Variants in DPYD observed in about 807,000 individuals in gnomAD.
The protein encoded by DPYD is dihydropyrimidine dehydrogenase.
Under a neutral mutation model 116.2 loss-of-function variants are expected in DPYD, and 109 were observed. That is an observed-to-expected ratio of 0.94 (90% CI 0.80 to 1.10). DPYD has a LOEUF of 1.10. DPYD is among the 50% of genes least tolerant of loss of function. DPYD has a pLI of 0.00. For synonymous variants in DPYD, 440 were observed against 432.0 expected (o/e 1.02, Z -0.23); for missense variants, 1,302 against 1,254.5 (o/e 1.04, Z -0.57).
At chr1:97,133,913 C>T (rs768223012) in intron 20 of DPYD, among the ~76,000 whole-genome samples, 9 of 148,880 alleles carry the variant, frequency 6.0e-5, no homozygotes, top group South Asian at 2.1e-4. Flanking sequence ...GTGGGGGAAT[C>T]GCTGAAACCC....
intron 20 of DPYD, among the ~76,000 whole-genome samples, chr1:97,134,990 T>TA (rs1491460103): frequency 6.6e-6 from 1 of 150,990 alleles, no homozygotes; most frequent in Non-Finnish European, 1.5e-5. Context: ...TATATATATA[T>TA]TTTTTTTATT....
chr1:97,687,163 TG>T (rs1660781009), intron 7 of DPYD, among the ~76,000 whole-genome samples: 1 of 152,000 alleles, frequency 6.6e-6, no homozygotes, highest in Non-Finnish European at 1.5e-5. Flanking sequence ...CCCAGCTACT[TG>T]GGACACTCGG....
chr1:97,749,958 C>T (rs561924931), intron 3 of DPYD, among the ~76,000 whole-genome samples: 2 of 151,874 alleles, frequency 1.3e-5, no homozygotes, highest in African/African-American at 4.8e-5. Context: ...TGATTTATAT[C>T]AAATAATTAT....
intron 20 of DPYD, among the ~76,000 whole-genome samples, chr1:97,188,957 GTTAT>G (rs10606435): frequency 0.17 from 25,736 of 152,040 alleles, 2,622 homozygotes; most frequent in Middle Eastern, 0.26. Context: ...AAGTTCAAAG[GTTAT>G]TTCTTTACAT....
intron 16 of DPYD, among the ~76,000 whole-genome samples, chr1:97,324,388 C>T (rs919429528): frequency 2.0e-5 from 3 of 151,980 alleles, no homozygotes; most frequent in African/African-American, 7.2e-5. Flanking sequence ...ATTTAGTCTC[C>T]AAGTGGTTGC....
intron 13 of DPYD, among the ~76,000 whole-genome samples, chr1:97,474,698 T>C (rs894016263): frequency 1.4e-4 from 21 of 152,020 alleles, no homozygotes; most frequent in African/African-American, 4.3e-4. Context: ...AAACTTGTGG[T>C]GGCATATAAT....
chr1:97,537,404 T>C (rs947034403), intron 12 of DPYD, among the ~76,000 whole-genome samples: 1 of 152,226 alleles, frequency 6.6e-6, no homozygotes, highest in East Asian at 1.9e-4. Context: ...TTTTCAGGTA[T>C]AAACAAGCCT....
intron 8 of DPYD, among the ~76,000 whole-genome samples, chr1:97,646,010 C>A (rs1658238413): frequency 6.6e-6 from 1 of 152,088 alleles, no homozygotes; most frequent in Non-Finnish European, 1.5e-5. Flanking sequence ...CTAATATTTT[C>A]TCTTCAGTAT....
intron 3 of DPYD, among the ~76,000 whole-genome samples, chr1:97,751,460 G>GTGTGTGTGTGTGTA (rs763260651): frequency 1.9e-4 from 4 of 21,286 alleles, no homozygotes; most frequent in Non-Finnish European, 3.3e-4. Flanking sequence ...GTGTGTGTGT[G>GTGTGTGTGTGTGTA]TATATATATA....
intron 14 of DPYD, among the ~76,000 whole-genome samples, chr1:97,392,415 T>C (rs902623514): frequency 1.3e-5 from 2 of 151,560 alleles, no homozygotes; most frequent in African/African-American, 4.8e-5. Flanking sequence ...AGGGCAGTGG[T>C]GGGATTATAG....
chr1:97,732,162 C>A (rs906271466), intron 4 of DPYD, among the ~76,000 whole-genome samples: 1 of 152,078 alleles, frequency 6.6e-6, no homozygotes, highest in Non-Finnish European at 1.5e-5. Context: ...TGAATAAAAT[C>A]AGTGACTATT....
In DPYD at chr1:97,176,507, C is replaced by T. The variant is rs189169237; in HGVS notation, c.2622+16562G>A. ...GAGACCAAGGTCAGAAAAGAGCTGTCGGGAGTGACACGGTTTTTTGCCCAC... is the reference window on the plus strand; with the variant it reads ...GAGACCAAGGTCAGAAAAGAGCTGTTGGGAGTGACACGGTTTTTTGCCCAC... On this transcript the variant is annotated intron_variant, in intron 20 of 22. Transcript: ENST00000370192. Among the ~76,000 whole-genome samples, 6 of 152,256 alleles carry T rather than the reference C, an allele frequency of 3.9e-5. No individual in the cohort carries two copies. The South Asian group carries it at 8.3e-4, about 21-fold the overall frequency.
intron 3 of DPYD, among the ~76,000 whole-genome samples, chr1:97,781,500 C>G (rs976260861): frequency 3.9e-5 from 6 of 152,168 alleles, no homozygotes; most frequent in Admixed American, 2.6e-4. Flanking sequence ...ATCCTTTCAA[C>G]ATCATTAAAC....
At chr1:97,500,518 T>C (rs1399051883) in intron 13 of DPYD, among the ~76,000 whole-genome samples, 1 of 152,058 alleles carries the variant, frequency 6.6e-6, no homozygotes, top group Non-Finnish European at 1.5e-5. Flanking sequence ...AAAAGAGGCA[T>C]TGTTTTAGAT....
At chr1:97,394,639 T>C (rs935123820) in intron 14 of DPYD, among the ~76,000 whole-genome samples, 17 of 151,910 alleles carry the variant, frequency 1.1e-4, no homozygotes, top group Non-Finnish European at 1.5e-5. Context: ...AAACATGAAG[T>C]GAGTGTATGC....
chr1:97,323,312 A>G (rs36157490), intron 16 of DPYD, among the ~76,000 whole-genome samples: 1,538 of 131,158 alleles, frequency 0.012, 99 homozygotes, highest in African/African-American at 0.034. Context: ...GTACACGTAT[A>G]TATACATATG....
At chr1:97,292,555 T>C (rs557003535) in intron 18 of DPYD, among the ~76,000 whole-genome samples, 84 of 152,258 alleles carry the variant, frequency 5.5e-4, no homozygotes, top group African/African-American at 2.0e-3. Flanking sequence ...TTATGAGAAC[T>C]ACAGTTCAAG....
chr1:97,215,770 G>C (rs550219250), intron 19 of DPYD, among the ~76,000 whole-genome samples: 1 of 152,234 alleles, frequency 6.6e-6, no homozygotes, highest in East Asian at 1.9e-4. Context: ...TCCATCACGT[G>C]ACTGGCGCTA....
chr1:97,664,133 TG>T (rs1176532321), intron 8 of DPYD, among the ~76,000 whole-genome samples: 1 of 152,114 alleles, frequency 6.6e-6, no homozygotes, highest in East Asian at 1.9e-4. Flanking sequence ...AGCATTAATG[TG>T]GGTGAAATCC....
Sources: allele counts gnomAD v4.1 joint callset (sites outside exome capture counted in the v4.1 genomes callset), GRCh38; gene constraint gnomAD v4.1.1; transcripts MANE v1.5; gene names NCBI Gene and HGNC (gene_info 2026-07-23, HGNC 2026-07-21).